The following USH2A variants were observed in gnomAD, a reference collection of about 807,000 sequenced individuals.
The protein encoded by USH2A is Usher syndrome 2A (autosomal recessive, mild).
Under a neutral mutation model 538.9 loss-of-function variants are expected in USH2A, and 443 were observed. The observed-to-expected ratio is 0.82, with a 90% CI of 0.76 to 0.89. The LOEUF is 0.89. Among genes scored for constraint, USH2A ranks in the 40% least tolerant of loss-of-function variants. The probability of loss-of-function intolerance (pLI) is 0.00; values close to 1 mark genes in which losing one functional copy is unlikely to be tolerated. For synonymous variants in USH2A, 2,413 were observed against 2,273.5 expected (o/e 1.06, Z -1.75); for missense variants, 6,633 against 6,324.8 (o/e 1.05, Z -1.65).
At chr1:216,001,184 T>C (rs991179126) in intron 32 of USH2A, among the ~76,000 whole-genome samples, 2 of 152,190 alleles carry the variant, frequency 1.3e-5, no homozygotes, top group Non-Finnish European at 2.9e-5. Flanking sequence ...TTAAAAACAC[T>C]GTGTCATGAC....
At chr1:216,281,865 G>GTTTTTTTT (rs766030449) in intron 11 of USH2A, among the ~76,000 whole-genome samples, 20 of 96,472 alleles carry the variant, frequency 2.1e-4, no homozygotes, top group African/African-American at 2.4e-4. Flanking sequence ...GTTTTTGTCT[G>GTTTTTTTT]TTTTTTTTTT....
Position 216,058,127 on chromosome 1 carries a change from GAA to G in USH2A, c.6050-9482_6050-9481del, listed in dbSNP as rs1304317478. ...AGCAGTCATCTTGAACTATGAGGTAGAAGCCTTGTCCATAAGGATGACACAGC... is the reference window on the plus strand; with the variant it reads ...AGCAGTCATCTTGAACTATGAGGTAGGCCTTGTCCATAAGGATGACACAGC... On this transcript the variant is annotated intron_variant, in intron 30 of 71. Coordinates refer to ENST00000307340, the MANE Select transcript of USH2A (RefSeq NM_206933.4). 4.0e-5 allele frequency among the ~76,000 whole-genome samples: 6 copies of G among 150,358 alleles called. 1 individual carries two copies. The highest frequency in any genetic ancestry group is 1.5e-4 in the African/African-American group (6 of 40,236).
intron 3 of USH2A, among the ~76,000 whole-genome samples, chr1:216,366,352 A>AT (rs1312260551): frequency 6.6e-6 from 1 of 151,632 alleles, no homozygotes; most frequent in Admixed American, 6.6e-5. Context: ...TGTAACAAAT[A>AT]TACCACTCTG....
intron 40 of USH2A, among the ~76,000 whole-genome samples, chr1:215,899,006 T>C (rs1406077378): frequency 1.3e-5 from 2 of 152,186 alleles, no homozygotes; most frequent in Admixed American, 1.3e-4. Context: ...ATGAATTAAG[T>C]AACATACATT....
chr1:215,712,432 GT>G (rs1659363610), intron 61 of USH2A, among the ~76,000 whole-genome samples: 1 of 152,154 alleles, frequency 6.6e-6, no homozygotes, highest in Non-Finnish European at 1.5e-5. Context: ...CAGCACTGTC[GT>G]TTTTGAAGGC....
intron 43 of USH2A, 149 bp from the exon 44 acceptor site, chr1:215,867,319 AT>A: frequency 1.1e-6 from 1 of 917,914 alleles, no homozygotes; most frequent in South Asian, 1.7e-5. Flanking sequence ...AAAATACATT[AT>A]TTTATTTTCC....
At chr1:216,099,990 T>C (rs1354428321) in intron 21 of USH2A, among the ~76,000 whole-genome samples, 1 of 152,072 alleles carries the variant, frequency 6.6e-6, no homozygotes, top group Non-Finnish European at 1.5e-5. Context: ...GAGCCTTTAA[T>C]GGAAATGTCC....
intron 3 of USH2A, among the ~76,000 whole-genome samples, chr1:216,416,455 AAAAT>A (rs1420739316): frequency 2.0e-5 from 3 of 152,172 alleles, no homozygotes; most frequent in South Asian, 2.1e-4. Flanking sequence ...CTTATGCAAA[AAAAT>A]AAATAAAAGA....
In USH2A at chr1:215,640,381, A is replaced by G. The variant is rs527559945; in HGVS notation, c.14968+177T>C. Among the ~76,000 whole-genome samples, 36 of 152,232 alleles carry G rather than the reference A, an allele frequency of 2.4e-4. No individual in the cohort carries two copies. The South Asian group carries it at 6.4e-3, about 27-fold the overall frequency. On this transcript the variant is annotated intron_variant, in intron 68 of 71. Coordinates refer to ENST00000307340, the MANE Select transcript of USH2A (RefSeq NM_206933.4). ...ATAACTGCAGTGCTGTCAAGCTGCA[A>G]ATGGGAAGGAAAGAAAACCTTATTT...
chr1:215,659,305 G>C (rs1410179811), intron 64 of USH2A, among the ~76,000 whole-genome samples: 1 of 152,198 alleles, frequency 6.6e-6, no homozygotes, highest in African/African-American at 2.4e-5. Context: ...AAAAGCATGT[G>C]CAAAGGCCTT....
chr1:215,900,976 C>T (rs1665483627), intron 38 of USH2A, 71 bp from the exon 39 acceptor site: 1 of 1,584,096 alleles, frequency 6.3e-7, no homozygotes, highest in Non-Finnish European at 8.6e-7. Flanking sequence ...AATCGAAATG[C>T]TCCATATACT....
Position 216,048,586 on chromosome 1 carries a change from C to G in USH2A, c.6111G>C (p.Leu2037Phe), listed in dbSNP as rs202041690. 1 of 1,614,046 alleles carries G rather than the reference C, an allele frequency of 6.2e-7. No homozygotes were observed. The highest frequency in any genetic ancestry group is 8.5e-7 in the Non-Finnish European group (1 of 1,179,984). ...NYAVTLTACT[L>F]AGCTESSHAL... ...CATGTGAGCTCTCAGTACAGCCAGC[C>G]AAAGTGCAAGCAGTTAGGGTTACTG... The change falls in exon 31 of 72, where the codon TTG becomes TTC. Residue 2037 changes from leucine to phenylalanine, a missense_variant. Coordinates refer to ENST00000307340, the MANE Select transcript of USH2A (RefSeq NM_206933.4).
intron 61 of USH2A, among the ~76,000 whole-genome samples, chr1:215,717,247 G>A (rs779406087): frequency 2.0e-5 from 3 of 152,074 alleles, no homozygotes; most frequent in Non-Finnish European, 2.9e-5. Context: ...GGGAAGTGCC[G>A]CCAAAAAGAT....
chr1:215,637,475 A>C (rs1656531498), intron 69 of USH2A, among the ~76,000 whole-genome samples: 1 of 152,224 alleles, frequency 6.6e-6, no homozygotes, highest in Admixed American at 6.5e-5. Context: ...TTCTCATCCC[A>C]GTAACAAGCT....
At chr1:216,239,395 A>G (rs1210323352) in intron 13 of USH2A, among the ~76,000 whole-genome samples, 1 of 152,164 alleles carries the variant, frequency 6.6e-6, no homozygotes, top group African/African-American at 2.4e-5. Context: ...TTTTTGAAAT[A>G]TAATTATCCA....
intron 21 of USH2A, among the ~76,000 whole-genome samples, chr1:216,101,108 T>C (rs2032567812): frequency 6.6e-6 from 1 of 152,200 alleles, no homozygotes; most frequent in Admixed American, 6.5e-5. Context: ...GTGCAAAATC[T>C]ATGACAAAAT....
At chr1:215,780,801 C>CCA in intron 54 of USH2A, among the ~76,000 whole-genome samples, 1 of 152,348 alleles carries the variant, frequency 6.6e-6, no homozygotes, top group South Asian at 2.1e-4. Flanking sequence ...TAAATGGTGG[C>CCA]TCACTCAGAA....
intron 61 of USH2A, among the ~76,000 whole-genome samples, chr1:215,701,582 A>G (rs923058800): frequency 3.3e-5 from 5 of 151,984 alleles, no homozygotes; most frequent in Admixed American, 1.3e-4. Context: ...ATTCCCTTCT[A>G]TGTCTTTTTT....
chr1:216,244,199 T>C (rs1438505701), intron 13 of USH2A, among the ~76,000 whole-genome samples: 1 of 152,076 alleles, frequency 6.6e-6, no homozygotes, highest in Non-Finnish European at 1.5e-5. Flanking sequence ...GAAAGGAGAA[T>C]GAACCAAAGC....
Sources: gnomAD v4.1 joint callset for allele counts (sites outside exome capture counted in the v4.1 genomes callset) on GRCh38, gnomAD v4.1.1 for gene constraint, MANE v1.5 for transcripts, NCBI Gene and HGNC (gene_info 2026-07-23, HGNC 2026-07-21) for gene names.